The following CLVS1 variants were observed in gnomAD, a reference collection of about 807,000 sequenced individuals.
CLVS1 encodes clavesin-1.
A neutral mutation model predicts 33.1 loss-of-function variants in CLVS1; 10 were observed. The ratio of observed to expected loss-of-function variants is 0.30; its 90% CI spans 0.19 to 0.51. The LOEUF (loss-of-function observed/expected upper bound fraction) is 0.51, where lower values mean the gene tolerates loss of function less well. Ranked by LOEUF, CLVS1 falls within the 20% of genes least tolerant of loss-of-function variation. CLVS1 has a pLI of 0.97. For missense variants in CLVS1, 343 were observed against 433.4 expected, an observed-to-expected ratio of 0.79 and a Z score of 1.85; for synonymous variants, 163 against 166.1, an observed-to-expected ratio of 0.98 and a Z score of 0.14.
At chr8:61,491,909 T>A (rs996915681) in intron 5 of CLVS1, among the ~76,000 whole-genome samples, 1 of 152,186 alleles carries the variant, frequency 6.6e-6, no homozygotes, top group Non-Finnish European at 1.5e-5. Context: ...CCAGTTAGAA[T>A]TTAAATAACA....
intron 2 of CLVS1, among the ~76,000 whole-genome samples, chr8:61,208,899 T>C (rs962378051): frequency 2.4e-4 from 36 of 152,188 alleles, no homozygotes; most frequent in African/African-American, 8.7e-4. Context: ...TCTAACAGGA[T>C]TGGAGTTGTT....
chr8:61,314,357 G>C (rs994952271), intron 2 of CLVS1, among the ~76,000 whole-genome samples: 1 of 152,128 alleles, frequency 6.6e-6, no homozygotes, highest in African/African-American at 2.4e-5. Flanking sequence ...AAATAATACT[G>C]TAATGCCTCA....
At chr8:61,332,474 T>TA (rs1178370594) in intron 2 of CLVS1, among the ~76,000 whole-genome samples, 1 of 152,174 alleles carries the variant, frequency 6.6e-6, no homozygotes, top group African/African-American at 2.4e-5. Context: ...TCTGGACTGT[T>TA]ACGACAGTGA....
chr8:61,215,610 A>G (rs1463331209), intron 2 of CLVS1, among the ~76,000 whole-genome samples: 1 of 151,796 alleles, frequency 6.6e-6, no homozygotes, highest in Non-Finnish European at 1.5e-5. Flanking sequence ...ACTAGCTAGA[A>G]CTTTGAAGCC....
At chr8:61,203,650 C>G (rs768516530) in intron 2 of CLVS1, among the ~76,000 whole-genome samples, 1 of 151,976 alleles carries the variant, frequency 6.6e-6, no homozygotes, top group African/African-American at 2.4e-5. Context: ...TGAAGAGGAA[C>G]CTTTATTTTT....
intron 2 of CLVS1, among the ~76,000 whole-genome samples, chr8:61,221,301 T>C (rs889546661): frequency 1.3e-5 from 2 of 152,214 alleles, no homozygotes; most frequent in African/African-American, 4.8e-5. Context: ...GCCCATTCAG[T>C]ATGATATTGG....
chr8:61,220,919 G>GTGCTTAT (rs936194896), intron 2 of CLVS1, among the ~76,000 whole-genome samples: 8 of 151,974 alleles, frequency 5.3e-5, no homozygotes, highest in Non-Finnish European at 1.0e-4. Flanking sequence ...TCTCTTTGTA[G>GTGCTTAT]TGCTTATTTT....
At chr8:61,205,208 T>G (rs535661472) in intron 2 of CLVS1, among the ~76,000 whole-genome samples, 13 of 152,314 alleles carry the variant, frequency 8.5e-5, no homozygotes, top group South Asian at 2.1e-4. Flanking sequence ...TTAAGTCCGT[T>G]CCCATTTTTG....
At chr8:61,166,654 C>T (rs1806872240) in intron 2 of CLVS1, among the ~76,000 whole-genome samples, 2 of 151,978 alleles carry the variant, frequency 1.3e-5, no homozygotes, top group South Asian at 4.1e-4. Context: ...AAGCCACTAA[C>T]CACTTGTATT....
intron 5 of CLVS1, among the ~76,000 whole-genome samples, chr8:61,482,087 G>T (rs907587954): frequency 4.6e-5 from 7 of 152,208 alleles, no homozygotes; most frequent in Non-Finnish European, 7.3e-5. Context: ...AGACAAACAG[G>T]GTCTGGAGTG....
At chr8:61,483,176 A>T (rs572809303) in intron 5 of CLVS1, among the ~76,000 whole-genome samples, 1 of 152,360 alleles carries the variant, frequency 6.6e-6, no homozygotes, top group Non-Finnish European at 1.5e-5. Context: ...AAAGATCAAC[A>T]AAATTGATAG....
chr8:61,478,200 G>T (rs940599395), intron 5 of CLVS1, among the ~76,000 whole-genome samples: 1 of 151,898 alleles, frequency 6.6e-6, no homozygotes, highest in Non-Finnish European at 1.5e-5. Context: ...TATAATTTCT[G>T]TTCTTTTACA....
chr8:61,075,795 C>G (rs749163122), intron 1 of CLVS1, among the ~76,000 whole-genome samples: 1 of 152,218 alleles, frequency 6.6e-6, no homozygotes, highest in Non-Finnish European at 1.5e-5. Context: ...TGCCTCCTCC[C>G]TTTCACTGCT....
chr8:61,158,688 A>C (rs1806694788), intron 2 of CLVS1, among the ~76,000 whole-genome samples: 1 of 152,124 alleles, frequency 6.6e-6, no homozygotes, highest in Non-Finnish European at 1.5e-5. Context: ...GTAGAAAAGA[A>C]AGGAGACTAA....
At chr8:61,232,332 G>C (rs1299362851) in intron 2 of CLVS1, among the ~76,000 whole-genome samples, 1 of 151,998 alleles carries the variant, frequency 6.6e-6, no homozygotes, top group African/African-American at 2.4e-5. Flanking sequence ...CACCGCGCCT[G>C]GCCGAGGAAA....
chr8:61,422,680 G>GA (rs1310609509), intron 3 of CLVS1, among the ~76,000 whole-genome samples: 1 of 152,156 alleles, frequency 6.6e-6, no homozygotes, highest in Non-Finnish European at 1.5e-5. Context: ...GAATATGGAG[G>GA]AAAACAAGTG....
At chr8:61,385,138 C>T (rs1014437745) in intron 3 of CLVS1, among the ~76,000 whole-genome samples, 2 of 152,116 alleles carry the variant, frequency 1.3e-5, no homozygotes, top group Admixed American at 6.5e-5. Flanking sequence ...TCATACTTTC[C>T]GTTGGGCAAG....
At chr8:61,431,336 A>C (rs890112369) in intron 3 of CLVS1, among the ~76,000 whole-genome samples, 1 of 152,266 alleles carries the variant, frequency 6.6e-6, no homozygotes, top group East Asian at 1.9e-4. Context: ...GCATTAATTA[A>C]GTCTACAGAC....
intron 3 of CLVS1, among the ~76,000 whole-genome samples, chr8:61,385,258 G>T (rs888535440): frequency 1.3e-5 from 2 of 152,180 alleles, no homozygotes; most frequent in Non-Finnish European, 2.9e-5. Context: ...ATTTCTCAGT[G>T]CACCAAAGAA....
Sources: gnomAD v4.1 joint callset for allele counts (sites outside exome capture counted in the v4.1 genomes callset) on GRCh38, gnomAD v4.1.1 for gene constraint, MANE v1.5 for transcripts, NCBI Gene and HGNC (gene_info 2026-07-23, HGNC 2026-07-21) for gene names.